Variants in PTPRA observed in about 807,000 individuals in gnomAD.
The protein encoded by PTPRA is receptor-type tyrosine-protein phosphatase alpha.
PTPRA carries 25 observed loss-of-function variants against 104.8 expected under a neutral mutation model. That is an observed-to-expected ratio of 0.24 (90% CI 0.17 to 0.33). The LOEUF (loss-of-function observed/expected upper bound fraction) is 0.33. PTPRA is among the 10% of genes least tolerant of loss of function. The pLI is 1.00. For synonymous variants in PTPRA, 323 were observed against 368.9 expected (o/e 0.88, Z 1.43); for missense variants, 765 against 1,015.3 (o/e 0.75, Z 3.35).
At chr20:2,910,391 T>A (rs1257057644) in intron 1 of PTPRA, among the ~76,000 whole-genome samples, 1,572 of 77,796 alleles carry the variant, frequency 0.02, 131 homozygotes, top group Admixed American at 0.079. Flanking sequence ...TTATATATTT[T>A]ATATATAATA....
chr20:2,985,254 A>G (rs2062851060), intron 6 of PTPRA, among the ~76,000 whole-genome samples: 1 of 152,224 alleles, frequency 6.6e-6, no homozygotes, highest in Non-Finnish European at 1.5e-5. Context: ...GTCAGGGCAA[A>G]TAGATTAAGG....
intron 2 of PTPRA, among the ~76,000 whole-genome samples, chr20:2,947,534 C>A (rs759564973): frequency 1.3e-5 from 2 of 152,164 alleles, no homozygotes; most frequent in African/African-American, 2.4e-5. Context: ...TCTACATTCA[C>A]CCTGCTCATA....
At chr20:2,997,516 T>G (rs535730558) in intron 9 of PTPRA, among the ~76,000 whole-genome samples, 3 of 152,302 alleles carry the variant, frequency 2.0e-5, no homozygotes, top group Admixed American at 6.5e-5. Flanking sequence ...GATGTTGTTC[T>G]GGAGAGAAAC....
At chr20:2,972,362 G>A (rs189134719) in intron 5 of PTPRA, among the ~76,000 whole-genome samples, 115 of 152,108 alleles carry the variant, frequency 7.6e-4, no homozygotes, top group Non-Finnish European at 1.3e-3. Context: ...ATGTCACCAC[G>A]CCCAGCTAAT....
chr20:2,864,673 G>A, the PTPRA span: 36 of 1,597,838 alleles, frequency 2.3e-5, no homozygotes, highest in Middle Eastern at 5.0e-4. This position sits in a 1 kb window ranked among gnomAD's most constrained non-coding sequence, Gnocchi z 5.2. Flanking sequence ...TCCATGGGGC[G>A]TGTGGGGCGT....
rs938548772 is a variant in PTPRA at position 2,873,789 on chromosome 20, TG to T, written c.-129+32del. The T allele has an allele frequency of 1.3e-5, 2 of 151,822 alleles. No individual in the cohort carries two copies. Among genetic ancestry groups the T allele is most frequent in the Non-Finnish European group, 2.9e-5 (2 of 67,916 alleles). The allele number at this position is 151,822 out of a possible 1,614,324, so 9.4% of individuals were successfully genotyped here. On this transcript the variant is annotated intron_variant, in intron 1 of 23. Coordinates refer to ENST00000399903, the MANE Select transcript of PTPRA (RefSeq NM_001385305.1). This position sits in a 1 kb window ranked among gnomAD's most constrained non-coding sequence, Gnocchi z 4.4. ...AGTGTTCGCGGCCGCTGCGCCCGGG[TG>T]GGCTCCGGAAGGGGGAGCGGCTCCC...
chr20:2,953,059 G>A (rs2061405830), intron 3 of PTPRA, among the ~76,000 whole-genome samples: 1 of 152,060 alleles, frequency 6.6e-6, no homozygotes, highest in African/African-American at 2.4e-5. Flanking sequence ...ATTCTTTTGA[G>A]TATGTTCCCA....
intron 9 of PTPRA, among the ~76,000 whole-genome samples, chr20:3,000,623 A>G (rs896933978): frequency 6.6e-6 from 1 of 152,204 alleles, no homozygotes; most frequent in African/African-American, 2.4e-5. Flanking sequence ...CTTTAACTGT[A>G]AACAACCCAA....
In PTPRA at chr20:3,038,150, G is replaced by T. The variant is rs779000632; in HGVS notation, c.*17G>T. 2 of 1,588,654 alleles carry T rather than the reference G, an allele frequency of 1.3e-6. No homozygotes were observed. The highest frequency in any genetic ancestry group is 3.3e-5 in the Admixed American group (2 of 59,942). On this transcript the variant is annotated 3_prime_UTR_variant, in exon 24 of 24. Transcript: ENST00000399903. ...TTCAAGTAAGCGGCAACAAGGGTCCGTGGACCAGGAGGATTGCCTTTAATA... is the reference window on the plus strand; with the variant it reads ...TTCAAGTAAGCGGCAACAAGGGTCCTTGGACCAGGAGGATTGCCTTTAATA...
At chr20:2,881,840 A>AGT (rs2146834843) in intron 1 of PTPRA, among the ~76,000 whole-genome samples, 1 of 152,256 alleles carries the variant, frequency 6.6e-6, no homozygotes, top group East Asian at 1.9e-4. Context: ...GTCTCTACTA[A>AGT]AAACACAGAA....
chr20:3,026,543 C>G, intron 17 of PTPRA, 144 bp from the exon 18 acceptor site: 1 of 627,742 alleles, frequency 1.6e-6, no homozygotes, highest in Middle Eastern at 2.6e-4. Flanking sequence ...TCCAGCTGAA[C>G]ATATGGGAAC....
intron 5 of PTPRA, among the ~76,000 whole-genome samples, chr20:2,966,710 T>C (rs2061959456): frequency 6.6e-6 from 1 of 152,210 alleles, no homozygotes; most frequent in Admixed American, 6.5e-5. Flanking sequence ...GTGAAAGTAT[T>C]TTACAATGAT....
chr20:2,872,508 G>A (rs2089454494), upstream of PTPRA, among the ~76,000 whole-genome samples: 1 of 152,250 alleles, frequency 6.6e-6, no homozygotes, highest in Non-Finnish European at 1.5e-5. This position sits in a 1 kb window ranked among gnomAD's most constrained non-coding sequence, Gnocchi z 7.9. Flanking sequence ...CCAGCCGCTC[G>A]CCCTGCGCGG....
Position 3,038,263 on chromosome 20 carries a change from C to CTT in PTPRA, c.*130_*131insTT. ...GAAATTGGTACATAGGCTTCTATTA[C>CTT]CTATTAGGTGGAAATTTTATATGTA... On this transcript the variant is annotated 3_prime_UTR_variant, in exon 24 of 24. Coordinates refer to ENST00000399903, the MANE Select transcript of PTPRA (RefSeq NM_001385305.1). 1.2e-6 allele frequency: 1 copy of CTT among 819,194 alleles called. No individual in the cohort carries two copies. 50.7% of individuals were successfully genotyped at this position (819,194 alleles called of 1,614,324 possible).
intron 1 of PTPRA, among the ~76,000 whole-genome samples, chr20:2,910,608 T>A (rs1298296916): frequency 2.0e-5 from 2 of 101,552 alleles, no homozygotes; most frequent in African/African-American, 8.2e-5. Flanking sequence ...TTGTTTTTTT[T>A]AATTTTTTTT....
intron 2 of PTPRA, among the ~76,000 whole-genome samples, chr20:2,945,646 A>G (rs2147724645): frequency 6.6e-6 from 1 of 151,612 alleles, no homozygotes; most frequent in Admixed American, 6.6e-5. Flanking sequence ...TATTTATTAT[A>G]GGCCGGGTAC....
chr20:2,978,589 A>G (rs901059170), intron 6 of PTPRA, among the ~76,000 whole-genome samples: 1 of 152,118 alleles, frequency 6.6e-6, no homozygotes, highest in Non-Finnish European at 1.5e-5. Flanking sequence ...GTTTTCAAGG[A>G]AAGAAGTTAT....
chr20:2,975,801 C>T (rs1173680798), intron 6 of PTPRA, among the ~76,000 whole-genome samples: 2 of 152,040 alleles, frequency 1.3e-5, no homozygotes, highest in African/African-American at 4.8e-5. Flanking sequence ...CACATTTTGC[C>T]TAGAATGACA....
At chr20:2,982,790 A>G (rs981657167) in intron 6 of PTPRA, among the ~76,000 whole-genome samples, 3 of 151,004 alleles carry the variant, frequency 2.0e-5, no homozygotes, top group Non-Finnish European at 3.0e-5. Context: ...TCTGCCCCCC[A>G]GGTTCAAGCG....
Sources: allele counts gnomAD v4.1 joint callset (sites outside exome capture counted in the v4.1 genomes callset), GRCh38; gene constraint gnomAD v4.1.1; non-coding constraint Gnocchi (gnomAD v3.1); transcripts MANE v1.5; gene names NCBI Gene and HGNC (gene_info 2026-07-23, HGNC 2026-07-21).